Variants in UPF2 observed in about 807,000 individuals in gnomAD.
UPF2 encodes UPF2 regulator of nonsense mediated mRNA decay, also known as regulator of nonsense transcripts 2.
A neutral mutation model predicts 141.4 loss-of-function variants in UPF2; 17 were observed. That is an observed-to-expected ratio of 0.12 (90% CI 0.08 to 0.18). UPF2 has a LOEUF of 0.18. Among genes scored for constraint, UPF2 ranks in the 10% least tolerant of loss-of-function variants. UPF2 has a pLI of 1.00. For missense variants in UPF2, 1,152 were observed against 1,515.9 expected, an observed-to-expected ratio of 0.76 and a Z score of 3.99; for synonymous variants, 540 against 498.0, an observed-to-expected ratio of 1.08 and a Z score of -1.12.
chr10:12,013,768 A>G (rs1360377379), intron 4 of UPF2, among the ~76,000 whole-genome samples: 1 of 152,116 alleles, frequency 6.6e-6, no homozygotes, highest in Non-Finnish European at 1.5e-5. Context: ...TTATTTAAGA[A>G]AAGTTTTTTT....
chr10:11,924,300 G>T (rs7894931), intron 21 of UPF2, among the ~76,000 whole-genome samples: 9,959 of 152,274 alleles, frequency 0.065, 558 homozygotes, highest in East Asian at 0.24. Context: ...AGTTTATGCC[G>T]GGCGTGGTGG....
rs75535280 is a variant in UPF2 at position 11,935,490 on chromosome 10, T to C, written c.3546+1055A>G. Among the ~76,000 whole-genome samples the C allele has an allele frequency of 0.033, 4,987 of 152,294 alleles. 272 individuals are homozygous for C. The highest frequency in any genetic ancestry group is 0.11 in the African/African-American group (4,700 of 41,544). On this transcript the variant is annotated intron_variant, in intron 19 of 21. Transcript: ENST00000357604. The surrounding 1 kb of genome is among the most constrained non-coding windows in gnomAD (Gnocchi z 4.9). ...ATTCTAAGATACACCATTATTTTAC[T>C]TATCACTAAAGCAGAAAGAAATGCT...
rs1254830267 is a variant in UPF2, at chr10:11,939,607, C to CA, written c.3379-2896dup. Among the ~76,000 whole-genome samples, 1 of 151,970 alleles carries CA rather than the reference C, an allele frequency of 6.6e-6. No individual in the cohort carries two copies. The highest frequency in any genetic ancestry group is 2.4e-5 in the African/African-American group (1 of 41,392). ...TCGGCTCACTGCAACCTCCACCTCCCAGGTTCAAGTGATTCTCCTGACTCA... is the reference window on the plus strand; with the variant it reads ...TCGGCTCACTGCAACCTCCACCTCCCAAGGTTCAAGTGATTCTCCTGACTCA... On this transcript the variant is annotated intron_variant, in intron 18 of 21. Transcript: ENST00000357604. This position sits in a 1 kb window ranked among gnomAD's most constrained non-coding sequence, Gnocchi z 4.8.
intron 8 of UPF2, among the ~76,000 whole-genome samples, chr10:11,990,713 G>T (rs1007617757): frequency 9.7e-5 from 14 of 143,928 alleles, no homozygotes; most frequent in African/African-American, 3.3e-4. Flanking sequence ...TGTTGACCAG[G>T]CCCAGTGGCT....
Position 12,014,269 on chromosome 10 carries a change from G to T in UPF2, c.1146-85C>A. 1 of 1,229,830 alleles carries T rather than the reference G, an allele frequency of 8.1e-7. No homozygotes were observed. Among genetic ancestry groups the T allele is most frequent in the Non-Finnish European group, 1.0e-6 (1 of 958,464 alleles). The allele number at this position is 1,229,830 out of a possible 1,614,324, so 76.2% of individuals were successfully genotyped here. ...ATATATGGGAAACATTCCATAATTTGATTTTCTCATACAAATTTAGTAAAA... is the reference window on the plus strand; with the variant it reads ...ATATATGGGAAACATTCCATAATTTTATTTTCTCATACAAATTTAGTAAAA... On this transcript the variant is annotated intron_variant, in intron 3 of 21. Coordinates refer to ENST00000357604, the MANE Select transcript of UPF2 (RefSeq NM_015542.4). This position sits in a 1 kb window ranked among gnomAD's most constrained non-coding sequence, Gnocchi z 5.0.
intron 16 of UPF2, among the ~76,000 whole-genome samples, chr10:11,945,224 G>A (rs138482536): frequency 8.3e-4 from 126 of 152,240 alleles, no homozygotes; most frequent in African/African-American, 3.0e-3. Context: ...CAGGTTGTTA[G>A]GTGCTCAAAG....
intron 3 of UPF2, among the ~76,000 whole-genome samples, chr10:12,021,292 G>A (rs961010035): frequency 5.9e-5 from 9 of 151,968 alleles, no homozygotes; most frequent in Non-Finnish European, 1.2e-4. Context: ...CACTTTGGGA[G>A]GCCAAAGTGG....
At chr10:11,993,535 AACC>A in intron 8 of UPF2, among the ~76,000 whole-genome samples, 1 of 151,582 alleles carries the variant, frequency 6.6e-6, no homozygotes, top group Non-Finnish European at 1.5e-5. Flanking sequence ...CCAAAAAAAA[AACC>A]AGACAGTATT....
intron 5 of UPF2, among the ~76,000 whole-genome samples, chr10:12,003,898 C>A (rs1402233250): frequency 7.9e-6 from 1 of 127,210 alleles, no homozygotes; most frequent in Non-Finnish European, 1.6e-5. Flanking sequence ...GCACTCCAGC[C>A]TGGACAAGAG....
At chr10:11,952,622 A>C (rs543858529) in intron 14 of UPF2, among the ~76,000 whole-genome samples, 121 of 151,930 alleles carry the variant, frequency 8.0e-4, no homozygotes, top group South Asian at 1.9e-3. Flanking sequence ...CTACAGGTGC[A>C]TGCCACCACG....
At position 11,940,365 on chromosome 10, in the gene UPF2, C is replaced by G. The variant is rs1018953107; in HGVS notation, c.3378+2300G>C. On this transcript the variant is annotated intron_variant, in intron 18 of 21. Transcript: ENST00000357604. The surrounding 1 kb of genome is among the most constrained non-coding windows in gnomAD (Gnocchi z 4.2). ...TCAGGGCTCAATCCTGACCCTGCTTCTCTTCTCTGTCCACACTTTACACCG... is the reference window on the plus strand; with the variant it reads ...TCAGGGCTCAATCCTGACCCTGCTTGTCTTCTCTGTCCACACTTTACACCG... Among the ~76,000 whole-genome samples the G allele has an allele frequency of 6.6e-5, 10 of 152,290 alleles. No homozygotes were observed. The highest frequency in any genetic ancestry group is 5.2e-4 in the Admixed American group (8 of 15,298).
intron 3 of UPF2, among the ~76,000 whole-genome samples, chr10:12,015,243 T>G (rs1834197501): frequency 6.6e-6 from 1 of 152,188 alleles, no homozygotes; most frequent in African/African-American, 2.4e-5. Context: ...TTACAAACAG[T>G]GAAGAAAACG....
In UPF2 at chr10:12,028,728, A is replaced by T. The variant is rs549259100; in HGVS notation, c.1145+17T>A. On this transcript the variant is annotated intron_variant, in intron 3 of 21. Transcript: ENST00000357604. ...TCCAAAATAAATTCTCAACTCTGAGAAACATTTGAAAATCACCTGTTTTGT... is the reference window on the plus strand; with the variant it reads ...TCCAAAATAAATTCTCAACTCTGAGTAACATTTGAAAATCACCTGTTTTGT... The T allele has an allele frequency of 6.0e-5, 94 of 1,555,904 alleles. No homozygotes were observed. The South Asian group carries it at 1.1e-3, about 18-fold the overall frequency.
In UPF2 at chr10:12,014,337, G is replaced by T. The variant is rs576866683; in HGVS notation, c.1146-153C>A. On this transcript the variant is annotated intron_variant, in intron 3 of 21. Coordinates refer to ENST00000357604, the MANE Select transcript of UPF2 (RefSeq NM_015542.4). The surrounding 1 kb of genome is among the most constrained non-coding windows in gnomAD (Gnocchi z 5.0). ...CATTTGAATCTAGTATTTTCAAAAT[G>T]TATCTGAAATGTATAATGAAATTCA... 6.6e-6 allele frequency among the ~76,000 whole-genome samples: 1 copy of T among 152,208 alleles called. No individual in the cohort carries two copies. The highest frequency in any genetic ancestry group is 2.1e-4 in the South Asian group (1 of 4,816).
intron 20 of UPF2, among the ~76,000 whole-genome samples, chr10:11,930,593 A>G (rs1166331690): frequency 6.6e-6 from 1 of 152,132 alleles, no homozygotes; most frequent in Non-Finnish European, 1.5e-5. Flanking sequence ...CTTGGGCAAC[A>G]TAGCAAGATC....
chr10:12,012,474 T>A (rs894544683), intron 4 of UPF2, among the ~76,000 whole-genome samples: 3 of 152,224 alleles, frequency 2.0e-5, no homozygotes, highest in African/African-American at 4.8e-5. Context: ...ATGATGAAAC[T>A]TTTTTAAAAC....
intron 1 of UPF2, among the ~76,000 whole-genome samples, chr10:12,037,414 T>G (rs925401955): frequency 2.7e-5 from 4 of 149,742 alleles, no homozygotes; most frequent in African/African-American, 9.9e-5. Context: ...TTTTTTTTTT[T>G]TTTTTGAGTC....
At chr10:11,996,214 CTGAT>C (rs1833861990) in intron 8 of UPF2, among the ~76,000 whole-genome samples, 1 of 152,004 alleles carries the variant, frequency 6.6e-6, no homozygotes, top group African/African-American at 2.4e-5. Flanking sequence ...ACAATCTTTC[CTGAT>C]TATCAGGCTG....
chr10:12,021,356 C>A (rs1834314059), intron 3 of UPF2, among the ~76,000 whole-genome samples: 2 of 126,860 alleles, frequency 1.6e-5, no homozygotes, highest in Admixed American at 1.7e-4. Context: ...ATAATGAAAC[C>A]AAGTCTCTAC....
Sources: allele counts gnomAD v4.1 joint callset (sites outside exome capture counted in the v4.1 genomes callset), GRCh38; gene constraint gnomAD v4.1.1; non-coding constraint Gnocchi (gnomAD v3.1); transcripts MANE v1.5; gene names NCBI Gene and HGNC (gene_info 2026-07-23, HGNC 2026-07-21).